The following TRDN variants were observed in gnomAD, a reference collection of about 807,000 sequenced individuals.
TRDN encodes the protein triadin, also known as triadin in skeletal muscle.
TRDN carries 161 observed loss-of-function variants against 149.7 expected under a neutral mutation model. The ratio of observed to expected loss-of-function variants is 1.08; its 90% CI spans 0.95 to 1.23. The LOEUF (loss-of-function observed/expected upper bound fraction) is 1.23. TRDN is among the 50% of genes most tolerant of loss of function. TRDN has a pLI of 0.00. For missense variants in TRDN, 896 were observed against 823.5 expected (o/e 1.09, Z -1.08); for synonymous variants, 294 against 250.5 (o/e 1.17, Z -1.64).
chr6:123,375,746 G>T, intron 18 of TRDN, 115 bp from the exon 19 acceptor site: 1 of 825,168 alleles, frequency 1.2e-6, no homozygotes, highest in Non-Finnish European at 1.8e-6. Flanking sequence ...AATATTGGAA[G>T]CTAAAGAAAA....
At chr6:123,423,739 C>G (rs1018842317) in intron 12 of TRDN, among the ~76,000 whole-genome samples, 3 of 152,016 alleles carry the variant, frequency 2.0e-5, no homozygotes, top group Admixed American at 6.6e-5. Flanking sequence ...AAACTTCTAC[C>G]TTAATATGTT....
chr6:123,292,651 A>T (rs1778049802), intron 24 of TRDN, among the ~76,000 whole-genome samples: 2 of 152,192 alleles, frequency 1.3e-5, no homozygotes, highest in South Asian at 4.1e-4. Flanking sequence ...AAGGGCCCTT[A>T]TCAGGTGTCA....
In TRDN at chr6:123,407,755, AT is replaced by A. The variant is rs139230651; in HGVS notation, c.1052-14079del. Among the ~76,000 whole-genome samples, 179 of 151,538 alleles carry A rather than the reference AT, an allele frequency of 1.2e-3. 1 individual carries two copies. The highest frequency in any genetic ancestry group is 4.0e-3 in the African/African-American group (167 of 41,342). On this transcript the variant is annotated intron_variant, in intron 12 of 40. Coordinates refer to ENST00000334268, the MANE Select transcript of TRDN (RefSeq NM_006073.4). ...CAGCAAGGGAAAAAAGCATGGCAATATTTTTTTTTGTAAAAATTAATCTTAA... is the reference window on the plus strand; with the variant it reads ...CAGCAAGGGAAAAAAGCATGGCAATATTTTTTTTGTAAAAATTAATCTTAA...
intron 9 of TRDN, among the ~76,000 whole-genome samples, chr6:123,479,258 A>C (rs1009106252): frequency 6.6e-6 from 1 of 152,082 alleles, no homozygotes; most frequent in Admixed American, 6.6e-5. Flanking sequence ...CAAAGTATTT[A>C]TTTTCTTTCT....
intron 9 of TRDN, among the ~76,000 whole-genome samples, chr6:123,477,744 T>C (rs1030685128): frequency 2.0e-4 from 30 of 151,976 alleles, no homozygotes; most frequent in African/African-American, 6.5e-4. Flanking sequence ...AAATGATGAG[T>C]TCATGTCCTT....
At chr6:123,448,584 C>T (rs376346969) in intron 10 of TRDN, among the ~76,000 whole-genome samples, 2 of 152,082 alleles carry the variant, frequency 1.3e-5, no homozygotes, top group South Asian at 4.1e-4. Context: ...CAGCAAGACC[C>T]ACCCAAGGAG....
intron 38 of TRDN, among the ~76,000 whole-genome samples, chr6:123,230,593 A>G (rs1775563328): frequency 6.6e-6 from 1 of 151,880 alleles, no homozygotes; most frequent in African/African-American, 2.4e-5. Flanking sequence ...CTAAATTTGG[A>G]TAATTGGAAT....
At chr6:123,529,559 A>T in intron 5 of TRDN, 1 of 526,054 alleles carries the variant, frequency 1.9e-6, no homozygotes, top group Non-Finnish European at 3.4e-6. Flanking sequence ...ATTAATATAA[A>T]TTCACGTGCT....
At position 123,562,058 on chromosome 6, in the gene TRDN, G is replaced by A. The variant is rs189784933; in HGVS notation, c.232+8865C>T. Among the ~76,000 whole-genome samples the A allele has an allele frequency of 5.2e-3, 785 of 152,082 alleles. 9 individuals carry two copies. The highest frequency in any genetic ancestry group is 5.2e-3 in the Non-Finnish European group (355 of 67,984). On this transcript the variant is annotated intron_variant, in intron 2 of 40. Coordinates refer to ENST00000334268, the MANE Select transcript of TRDN (RefSeq NM_006073.4). ...CACCACAAAAGAAGTGAAAATGTCC[G>A]GTCCCTGCCTTAACTGATGACATTA...
chr6:123,501,391 AAGCTAACTCAACAGTTAGCTTAGTTG>A (rs68059468), intron 8 of TRDN, among the ~76,000 whole-genome samples: 60,059 of 151,342 alleles, frequency 0.4, 12,147 homozygotes, highest in East Asian at 0.62. Flanking sequence ...CTTGCCCAAA[AAGCTAACTCAACAGTTAGCTTAGTTG>A]AGCTAACTCA....
chr6:123,582,093 G>T (rs1352076283), intron 1 of TRDN, among the ~76,000 whole-genome samples: 1 of 152,150 alleles, frequency 6.6e-6, no homozygotes, highest in Non-Finnish European at 1.5e-5. Flanking sequence ...ATTTTAGGGG[G>T]ACAAAAGTTA....
chr6:123,347,627 A>G (rs1359028799), intron 21 of TRDN, among the ~76,000 whole-genome samples: 3 of 151,994 alleles, frequency 2.0e-5, no homozygotes, highest in African/African-American at 7.2e-5. Context: ...TCTAAATTGG[A>G]CTTTCCTGTT....
intron 1 of TRDN, among the ~76,000 whole-genome samples, chr6:123,579,816 G>A (rs1257196988): frequency 6.6e-6 from 1 of 152,158 alleles, no homozygotes; most frequent in African/African-American, 2.4e-5. Context: ...CTGTTCTTGT[G>A]ACGAGTGAGT....
Position 123,217,663 on chromosome 6 carries a change from T to A in TRDN, c.*938A>T, listed in dbSNP as rs181538163. The A allele has an allele frequency of 3.8e-4, 58 of 152,118 alleles. No individual in the cohort carries two copies. The highest frequency in any genetic ancestry group is 7.2e-4 in the Non-Finnish European group (49 of 67,938). The allele number at this position is 152,118 out of a possible 1,614,324, so 9.4% of individuals were successfully genotyped here. A position where few individuals can be genotyped will look rare whatever the true frequency, so the allele number is the denominator to read the frequency against. Reference sequence around the variant, plus strand: ...AGGCTAAAATGAATTCCTTAAACTTTGATGGCATTCATATTTTGCCATTAT... The same window carrying A: ...AGGCTAAAATGAATTCCTTAAACTTAGATGGCATTCATATTTTGCCATTAT... On this transcript the variant is annotated 3_prime_UTR_variant, in exon 41 of 41. Coordinates refer to ENST00000334268, the MANE Select transcript of TRDN (RefSeq NM_006073.4).
At chr6:123,590,806 A>C (rs555748347) in intron 1 of TRDN, among the ~76,000 whole-genome samples, 100 of 152,232 alleles carry the variant, frequency 6.6e-4, no homozygotes, top group African/African-American at 2.3e-3. Context: ...AATAAAGTGC[A>C]CGATAAATAT....
intron 22 of TRDN, among the ~76,000 whole-genome samples, chr6:123,337,194 A>G (rs1779903524): frequency 6.6e-6 from 1 of 152,052 alleles, no homozygotes; most frequent in Admixed American, 6.6e-5. Context: ...TCCTATTTGT[A>G]GCTTTGCCAT....
At chr6:123,272,059 G>A in intron 29 of TRDN, among the ~76,000 whole-genome samples, 1 of 151,792 alleles carries the variant, frequency 6.6e-6, no homozygotes, top group Non-Finnish European at 1.5e-5. Flanking sequence ...CCACACTCCA[G>A]CCCTGCTTTC....
intron 12 of TRDN, among the ~76,000 whole-genome samples, chr6:123,401,444 T>C (rs537008701): frequency 2.6e-5 from 4 of 152,190 alleles, no homozygotes; most frequent in African/African-American, 9.6e-5. Context: ...AAAACACGTC[T>C]CCAAATAATT....
Position 123,548,517 on chromosome 6 carries a change from A to G in TRDN, c.328T>C (p.Leu110=). Reference sequence around the variant, plus strand: ...TCTTCAGATGAGATGATGTCAGATAACAAAGAAAAGAAGCCATAGATCCAG... The same window carrying G: ...TCTTCAGATGAGATGATGTCAGATAGCAAAGAAAAGAAGCCATAGATCCAG... The part of the protein sequence containing the change: ...TDWIYGFFSL[L]SDIISSEDEE... The change falls in exon 3 of 41, where the codon TTA becomes CTA. Residue 110 remains leucine (L), a synonymous_variant. Coordinates refer to ENST00000334268, the MANE Select transcript of TRDN (RefSeq NM_006073.4). The G allele has an allele frequency of 6.3e-7, 1 of 1,580,842 alleles. No individual in the cohort carries two copies.
Sources: allele counts gnomAD v4.1 joint callset (sites outside exome capture counted in the v4.1 genomes callset), GRCh38; gene constraint gnomAD v4.1.1; transcripts MANE v1.5; gene names NCBI Gene and HGNC (gene_info 2026-07-23, HGNC 2026-07-21).